NTNG1: variants seen among roughly 807,000 people sequenced by gnomAD.
The protein encoded by NTNG1 is netrin G1.
In NTNG1, 16 loss-of-function variants were observed where a neutral mutation model predicts 54.0. The observed-to-expected ratio is 0.30, with a 90% CI of 0.20 to 0.45. NTNG1 has a LOEUF of 0.45. Ranked by LOEUF, NTNG1 falls within the 20% of genes least tolerant of loss-of-function variation. The probability of loss-of-function intolerance (pLI) is 1.00; values close to 1 mark genes in which losing one functional copy is unlikely to be tolerated. For missense variants in NTNG1, 530 were observed against 678.7 expected, an observed-to-expected ratio of 0.78 and a Z score of 2.43; for synonymous variants, 255 against 263.1, an observed-to-expected ratio of 0.97 and a Z score of 0.30.
intron 2 of NTNG1, among the ~76,000 whole-genome samples, chr1:107,302,256 G>A (rs999197182): frequency 1.3e-5 from 2 of 152,014 alleles, no homozygotes; most frequent in African/African-American, 4.8e-5. Flanking sequence ...CTGGCTTTGG[G>A]TCAAAGAGAA....
Position 107,149,970 on chromosome 1 carries a change from T to C in NTNG1, c.246+1131T>C, listed in dbSNP as rs993412096. Among the ~76,000 whole-genome samples, 3 of 152,138 alleles carry C rather than the reference T, an allele frequency of 2.0e-5. No individual in the cohort carries two copies. The East Asian group carries it at 5.8e-4, about 29-fold the overall frequency. ...CAGTCCCCAGTGAGTTAAATTAGCA[T>C]AAGATCATCTTAGACCTAGCACCAT... On this transcript the variant is annotated intron_variant, in intron 2 of 7. Coordinates refer to ENST00000370068, the MANE Select transcript of NTNG1 (RefSeq NM_001113226.3).
chr1:107,166,207 C>T (rs1331778356), intron 2 of NTNG1, among the ~76,000 whole-genome samples: 1 of 152,132 alleles, frequency 6.6e-6, no homozygotes, highest in East Asian at 1.9e-4. Context: ...AAGTAGACTA[C>T]TCTAAGCTGG....
chr1:107,423,708 G>C (rs1383565396), intron 5 of NTNG1, among the ~76,000 whole-genome samples: 1 of 152,078 alleles, frequency 6.6e-6, no homozygotes, highest in Non-Finnish European at 1.5e-5. Context: ...TCAGAAACCT[G>C]CTTTTTCTCT....
At chr1:107,214,254 T>A (rs1401754380) in intron 2 of NTNG1, among the ~76,000 whole-genome samples, 6 of 152,166 alleles carry the variant, frequency 3.9e-5, no homozygotes. Context: ...ATGTGTAATC[T>A]TTTATCCCTC....
At chr1:107,327,933 G>GA (rs1668061759) in intron 3 of NTNG1, among the ~76,000 whole-genome samples, 2 of 151,988 alleles carry the variant, frequency 1.3e-5, no homozygotes, top group South Asian at 4.1e-4. Context: ...TTTTTTAATG[G>GA]AAAAATAGTG....
intron 3 of NTNG1, among the ~76,000 whole-genome samples, chr1:107,332,633 G>C (rs1668350724): frequency 6.6e-6 from 1 of 151,984 alleles, no homozygotes; most frequent in Non-Finnish European, 1.5e-5. Flanking sequence ...CTTAGTGCAA[G>C]AGTTTTTTGA....
chr1:107,477,602 C>T (rs1041272037), intron 7 of NTNG1, among the ~76,000 whole-genome samples: 20 of 152,224 alleles, frequency 1.3e-4, no homozygotes, highest in African/African-American at 4.3e-4. Context: ...CTACAAGTAT[C>T]TGCCTGATGA....
intron 3 of NTNG1, among the ~76,000 whole-genome samples, chr1:107,325,495 A>G (rs761541055): frequency 1.3e-5 from 2 of 152,120 alleles, no homozygotes; most frequent in Non-Finnish European, 2.9e-5. Flanking sequence ...TAGCATTTAA[A>G]ATATAGACCT....
At chr1:107,227,725 C>T (rs1168440231) in intron 2 of NTNG1, among the ~76,000 whole-genome samples, 1 of 151,852 alleles carries the variant, frequency 6.6e-6, no homozygotes, top group Non-Finnish European at 1.5e-5. Flanking sequence ...CACAGATAGA[C>T]AGACACATGG....
chr1:107,250,595 A>G (rs1662530321), intron 2 of NTNG1, among the ~76,000 whole-genome samples: 1 of 152,172 alleles, frequency 6.6e-6, no homozygotes, highest in Non-Finnish European at 1.5e-5. Flanking sequence ...AAATAAAAGA[A>G]AGACAACTGT....
At chr1:107,365,287 A>G (rs932409788) in intron 3 of NTNG1, among the ~76,000 whole-genome samples, 6 of 152,156 alleles carry the variant, frequency 3.9e-5, no homozygotes, top group Admixed American at 6.5e-5. Context: ...CCATAACTCC[A>G]TAACTCCAGC....
At chr1:107,425,780 T>C (rs988470170) in intron 5 of NTNG1, among the ~76,000 whole-genome samples, 2 of 152,116 alleles carry the variant, frequency 1.3e-5, no homozygotes, top group Admixed American at 6.6e-5. Context: ...AGCTTGATCT[T>C]ATTTACATTC....
intron 2 of NTNG1, among the ~76,000 whole-genome samples, chr1:107,189,834 G>A (rs546042580): frequency 0.053 from 7,808 of 146,110 alleles, 230 homozygotes; most frequent in African/African-American, 0.088. Flanking sequence ...AAAAAAAAAG[G>A]GGGGGGCCTT....
chr1:107,151,598 T>C (rs1654574812), intron 2 of NTNG1, among the ~76,000 whole-genome samples: 1 of 152,176 alleles, frequency 6.6e-6, no homozygotes, highest in Non-Finnish European at 1.5e-5. Context: ...GCTATAGCTG[T>C]TCTGAGCATC....
At chr1:107,230,730 C>G (rs1256969056) in intron 2 of NTNG1, among the ~76,000 whole-genome samples, 2 of 151,890 alleles carry the variant, frequency 1.3e-5, no homozygotes, top group Non-Finnish European at 2.9e-5. Flanking sequence ...TAAGCTATAA[C>G]AGAAAAACAA....
chr1:107,300,029 T>C (rs1268398367), intron 2 of NTNG1, among the ~76,000 whole-genome samples: 1 of 152,224 alleles, frequency 6.6e-6, no homozygotes, highest in Non-Finnish European at 1.5e-5. Flanking sequence ...GTGTAACAGC[T>C]GTAGAAATGA....
chr1:107,438,144 G>A (rs1000256919), intron 7 of NTNG1, among the ~76,000 whole-genome samples: 1 of 151,856 alleles, frequency 6.6e-6, no homozygotes, highest in African/African-American at 2.4e-5. Flanking sequence ...ATAGTTATCT[G>A]GCAGCCACAC....
chr1:107,227,530 G>C (rs1346847581), intron 2 of NTNG1, among the ~76,000 whole-genome samples: 5 of 152,034 alleles, frequency 3.3e-5, no homozygotes, highest in African/African-American at 1.2e-4. Flanking sequence ...TTGGTCCCTT[G>C]AGCAAATCAA....
At chr1:107,365,967 A>T (rs927843354) in intron 3 of NTNG1, among the ~76,000 whole-genome samples, 2 of 152,150 alleles carry the variant, frequency 1.3e-5, no homozygotes, top group Non-Finnish European at 2.9e-5. Context: ...TATATTCCCC[A>T]CTGTGTCAAA....
Sources: gnomAD v4.1 joint callset for allele counts (sites outside exome capture counted in the v4.1 genomes callset) on GRCh38, gnomAD v4.1.1 for gene constraint, MANE v1.5 for transcripts, NCBI Gene and HGNC (gene_info 2026-07-23, HGNC 2026-07-21) for gene names.